MRRF: variants seen among roughly 807,000 people sequenced by gnomAD.
MRRF encodes the protein ribosome-recycling factor, mitochondrial.
MRRF carries 18 observed loss-of-function variants against 25.1 expected under a neutral mutation model. The ratio of observed to expected loss-of-function variants is 0.72; its 90% confidence interval spans 0.50 to 1.06. The LOEUF is 1.06. Ranked by LOEUF, MRRF falls within the 50% of genes least tolerant of loss-of-function variation. The probability of loss-of-function intolerance (pLI) is 0.00; values close to 1 mark genes in which losing one functional copy is unlikely to be tolerated. For synonymous variants in MRRF, 113 were observed against 112.1 expected (o/e 1.01, Z -0.05); for missense variants, 323 against 319.3 (o/e 1.01, Z -0.09).
chr9:122,307,425 C>T (rs887342390), intron 5 of MRRF, among the ~76,000 whole-genome samples: 1 of 152,210 alleles, frequency 6.6e-6, no homozygotes, highest in African/African-American at 2.4e-5. Context: ...TTCTGTTTCT[C>T]TCTGCTCACT....
intron 5 of MRRF, among the ~76,000 whole-genome samples, chr9:122,296,443 C>T (rs887747213): frequency 1.3e-5 from 2 of 152,176 alleles, no homozygotes; most frequent in Admixed American, 6.5e-5. Flanking sequence ...TACAATTTCT[C>T]CCCAAATTCT....
At chr9:122,305,132 T>A (rs1341164308) in intron 5 of MRRF, among the ~76,000 whole-genome samples, 4 of 152,036 alleles carry the variant, frequency 2.6e-5, no homozygotes, top group African/African-American at 4.8e-5. Flanking sequence ...CCTTTGTAGC[T>A]GGGCACTCTC....
chr9:122,271,897 G>A (rs993944701), intron 2 of MRRF, among the ~76,000 whole-genome samples: 31 of 152,168 alleles, frequency 2.0e-4, no homozygotes, highest in Admixed American at 1.8e-3. Flanking sequence ...ATATGCTGCT[G>A]AATATTTTCC....
chr9:122,303,667 G>A (rs971174721), intron 5 of MRRF, among the ~76,000 whole-genome samples: 6 of 152,104 alleles, frequency 3.9e-5, no homozygotes, highest in East Asian at 1.9e-4. Context: ...CATGGTGATC[G>A]CATTGTTCTT....
At chr9:122,318,191 T>C (rs1184663709) in intron 6 of MRRF, among the ~76,000 whole-genome samples, 2 of 152,064 alleles carry the variant, frequency 1.3e-5, no homozygotes, top group Non-Finnish European at 2.9e-5. Flanking sequence ...CCTATAGTCA[T>C]GTTTGACCCC....
intron 5 of MRRF, among the ~76,000 whole-genome samples, chr9:122,293,838 T>C (rs1185285453): frequency 6.6e-6 from 1 of 152,136 alleles, no homozygotes; most frequent in East Asian, 1.9e-4. Flanking sequence ...CTTGTGGAAA[T>C]TACTAGGGCC....
At chr9:122,286,228 A>C (rs1833397908) in intron 4 of MRRF, 8 of 1,281,546 alleles carry the variant, frequency 6.2e-6, no homozygotes, top group Non-Finnish European at 6.1e-6. Context: ...GTCATAGACC[A>C]AGGTTGGACC....
chr9:122,282,641 T>A (rs769051774), intron 3 of MRRF, among the ~76,000 whole-genome samples: 7 of 152,218 alleles, frequency 4.6e-5, no homozygotes, highest in Non-Finnish European at 7.3e-5. Context: ...TAATAATAAC[T>A]ATCTCATAGA....
At position 122,325,680 on chromosome 9, in the gene MRRF, G is replaced by GTT; in HGVS notation, c.*3064_*3065insTT. ...TGTGTGTGTGTGTGTGTGTGTGTGT[G>GTT]TGTGTTGGAAATTACAAAATAAGTT... is the stretch of plus-strand genomic sequence containing the variant. On this transcript the variant is annotated 3_prime_UTR_variant, in exon 7 of 7. Coordinates refer to ENST00000344641, the MANE Select transcript of MRRF (RefSeq NM_138777.5). 7.9e-6 allele frequency: 1 copy of GTT among 125,978 alleles called. No homozygotes were observed. The highest frequency in any genetic ancestry group is 2.4e-4 in the East Asian group (1 of 4,132). 7.8% of individuals were successfully genotyped at this position (125,978 alleles called of 1,614,324 possible).
chr9:122,276,213 CTGTTT>C (rs891204052), intron 2 of MRRF, among the ~76,000 whole-genome samples: 5 of 152,184 alleles, frequency 3.3e-5, no homozygotes, highest in South Asian at 4.1e-4. Flanking sequence ...CACGCCCAGC[CTGTTT>C]TGTTTTGTTT....
intron 5 of MRRF, among the ~76,000 whole-genome samples, chr9:122,300,277 G>A (rs1356511913): frequency 2.6e-5 from 4 of 152,200 alleles, no homozygotes; most frequent in African/African-American, 9.7e-5. Context: ...GGATCAAGGT[G>A]TGGGGGCTGG....
chr9:122,283,017 G>A (rs552252062), intron 3 of MRRF, among the ~76,000 whole-genome samples: 2 of 152,134 alleles, frequency 1.3e-5, no homozygotes, highest in South Asian at 2.1e-4. Flanking sequence ...TCAGCATTTA[G>A]TGGGACACAG....
chr9:122,274,924 T>A (rs76082244), intron 2 of MRRF, among the ~76,000 whole-genome samples: 224 of 152,216 alleles, frequency 1.5e-3, no homozygotes, highest in African/African-American at 5.2e-3. Flanking sequence ...CCTGTGTACT[T>A]GTTCTGTTTC....
At position 122,322,943 on chromosome 9, in the gene MRRF, T is replaced by G. The variant is rs562124471; in HGVS notation, c.*326T>G. The stretch of plus-strand genomic sequence containing the variant: ...CCACCTGCTCCTCATCTTAGGAGTC[T>G]CCTTTTCAAATAATTAGGCTCTGTT... On this transcript the variant is annotated 3_prime_UTR_variant, in exon 7 of 7. Coordinates refer to ENST00000344641, the MANE Select transcript of MRRF (RefSeq NM_138777.5). 2.4e-6 allele frequency: 1 copy of G among 414,266 alleles called. No individual in the cohort carries two copies. Among genetic ancestry groups the G allele is most frequent in the African/African-American group, 2.0e-5 (1 of 50,460 alleles). 25.7% of individuals were successfully genotyped at this position (414,266 alleles called of 1,614,324 possible).
In MRRF at chr9:122,285,830, G is replaced by A. The variant is rs1223847059; in HGVS notation, c.459+543G>A. On this transcript the variant is annotated intron_variant, in intron 4 of 6. Transcript: ENST00000344641. ...TTAATGGGCCAAATGTGGCCTGAGG[G>A]CCACCAATTTGTGACCTCTGCATTA... is the stretch of plus-strand genomic sequence containing the variant. 1.2e-5 allele frequency: 16 copies of A among 1,282,424 alleles called. 1 individual carries two copies. The highest frequency in any genetic ancestry group is 1.6e-5 in the Non-Finnish European group (16 of 983,340). The allele number at this position is 1,282,424 out of a possible 1,614,324, so 79.4% of individuals were successfully genotyped here. A position where few individuals can be genotyped will look rare whatever the true frequency, so the allele number is the denominator to read the frequency against.
rs558056451 is a variant in MRRF at position 122,302,621 on chromosome 9, G to A, written c.552-10606G>A. 2.0e-4 allele frequency among the ~76,000 whole-genome samples: 31 copies of A among 151,864 alleles called. 1 individual carries two copies. Among genetic ancestry groups the A allele is most frequent in the Non-Finnish European group, 4.1e-4 (28 of 67,962 alleles). On this transcript the variant is annotated intron_variant, in intron 5 of 6. Coordinates refer to ENST00000344641, the MANE Select transcript of MRRF (RefSeq NM_138777.5). ...CACTTCCTCAGTTGATGGCCATTTGGGTTTTTTCTACTTTGGGGCTGTTAA... is the reference window on the plus strand; with the variant it reads ...CACTTCCTCAGTTGATGGCCATTTGAGTTTTTTCTACTTTGGGGCTGTTAA...
intron 1 of MRRF, among the ~76,000 whole-genome samples, chr9:122,268,557 T>G (rs1345110758): frequency 6.6e-6 from 1 of 152,244 alleles, no homozygotes; most frequent in African/African-American, 2.4e-5. Flanking sequence ...GGCTATTAGC[T>G]CCATGTCCTT....
rs372375536 is a variant in MRRF at position 122,298,486 on chromosome 9, A to G, written c.551+6646A>G. ...ATGTGTCCCTGTGACTACTACCCCA[A>G]TCAACACAGAGTAGTTCAGTCACCC... On this transcript the variant is annotated intron_variant, in intron 5 of 6. Coordinates refer to ENST00000344641, the MANE Select transcript of MRRF (RefSeq NM_138777.5). Among the ~76,000 whole-genome samples the G allele has an allele frequency of 1.0e-3, 157 of 152,270 alleles. 1 individual carries two copies. The South Asian group carries it at 0.013, about 12-fold the overall frequency.
intron 6 of MRRF, among the ~76,000 whole-genome samples, chr9:122,315,183 TATTA>T (rs1278227762): frequency 6.6e-6 from 1 of 152,194 alleles, no homozygotes; most frequent in Non-Finnish European, 1.5e-5. Context: ...TACTTACTTT[TATTA>T]ATTCATTTTT....
Sources: allele counts gnomAD v4.1 joint callset (sites outside exome capture counted in the v4.1 genomes callset), GRCh38; gene constraint gnomAD v4.1.1; transcripts MANE v1.5; gene names NCBI Gene and HGNC (gene_info 2026-07-23, HGNC 2026-07-21).